GCNT4: variants seen among roughly 807,000 people sequenced by gnomAD.
GCNT4 encodes the protein beta-1,3-galactosyl-O-glycosyl-glycoprotein beta-1,6-N-acetylglucosaminyltransferase 4.
GCNT4 carries 17 observed loss-of-function variants against 31.3 expected under a neutral mutation model. The observed-to-expected ratio is 0.54, with a 90% CI of 0.37 to 0.81. GCNT4 has a LOEUF of 0.81. Ranked by LOEUF, GCNT4 falls within the 40% of genes least tolerant of loss-of-function variation. GCNT4 has a pLI of 0.00. For synonymous variants in GCNT4, 158 were observed against 190.6 expected, an observed-to-expected ratio of 0.83 and a Z score of 1.41; for missense variants, 503 against 525.5, an observed-to-expected ratio of 0.96 and a Z score of 0.42.
intron 3 of GCNT4, among the ~76,000 whole-genome samples, chr5:75,043,504 A>G (rs940288953): frequency 6.6e-6 from 1 of 152,178 alleles, no homozygotes; most frequent in Non-Finnish European, 1.5e-5. Flanking sequence ...TTCCTATAGG[A>G]GCCTGATTCA....
rs752756807 is a variant in GCNT4, at chr5:75,029,453, C to T, written c.585G>A (p.Val195=). The change falls in exon 4 of 4, where the codon GTG becomes GTA. Residue 195 remains valine, a synonymous_variant. Transcript: ENST00000652361. Reference sequence around the variant, plus strand: ...GGAGTCTGGAAATGTGGGCATATTCCACAGCCTCTAATTTGGAAGCAATGA... The same window carrying T: ...GGAGTCTGGAAATGTGGGCATATTCTACAGCCTCTAATTTGGAAGCAATGA... ...NIFIASKLEA[V]EYAHISRLQA... 16 of 1,614,056 alleles carry T rather than the reference C, an allele frequency of 9.9e-6. No individual in the cohort carries two copies. In the South Asian group the frequency reaches 1.8e-4, roughly 18 times the overall value.
chr5:75,040,210 G>A (rs544401036), intron 3 of GCNT4, among the ~76,000 whole-genome samples: 19 of 145,408 alleles, frequency 1.3e-4, no homozygotes, highest in African/African-American at 4.4e-4. Context: ...TGAGAGTCTC[G>A]CACTGTCGCT....
intron 3 of GCNT4, among the ~76,000 whole-genome samples, chr5:75,042,824 A>T (rs767051291): frequency 6.6e-6 from 1 of 152,152 alleles, no homozygotes; most frequent in Non-Finnish European, 1.5e-5. Flanking sequence ...TTTAGCTAAG[A>T]TCTGTGTGTT....
Position 75,026,661 on chromosome 5 carries a change from A to C in GCNT4, c.*2015T>G, listed in dbSNP as rs532822645. 5.2e-3 allele frequency: 779 copies of C among 151,156 alleles called. 7 individuals are homozygous for C. Among genetic ancestry groups the C allele is most frequent in the African/African-American group, 0.018 (741 of 41,174 alleles). The allele number at this position is 151,156 out of a possible 1,614,324, so 9.4% of individuals were successfully genotyped here. ...ATCGATTCTCACAAAAAAAAAAAAA[A>C]AAAAAAAAAAACACTTGTGTGGAAG... On this transcript the variant is annotated 3_prime_UTR_variant, in exon 4 of 4. Coordinates refer to ENST00000652361, the MANE Select transcript of GCNT4 (RefSeq NM_001366737.1).
At chr5:75,032,606 C>T (rs1743089679) in intron 3 of GCNT4, among the ~76,000 whole-genome samples, 2 of 152,226 alleles carry the variant, frequency 1.3e-5, no homozygotes, top group African/African-American at 4.8e-5. Flanking sequence ...GCTGCATCAG[C>T]ACCCAGGTTA....
downstream of GCNT4, among the ~76,000 whole-genome samples, chr5:75,022,744 C>A (rs1249582816): frequency 2.6e-5 from 4 of 152,126 alleles, no homozygotes; most frequent in African/African-American, 9.7e-5. Flanking sequence ...AAAGCACATA[C>A]CAAGTTTTTC....
chr5:75,053,817 C>T (rs772034326), upstream of GCNT4, among the ~76,000 whole-genome samples: 9 of 152,212 alleles, frequency 5.9e-5, no homozygotes, highest in Non-Finnish European at 1.3e-4. Context: ...GCGCGGTGAT[C>T]TCGGCTCTCC....
intron 3 of GCNT4, among the ~76,000 whole-genome samples, chr5:75,045,213 C>A (rs1437461782): frequency 6.6e-6 from 1 of 152,256 alleles, no homozygotes; most frequent in East Asian, 1.9e-4. Flanking sequence ...TGTAGTGCAA[C>A]CATCACCACA....
chr5:75,031,937 C>T (rs1019002110), intron 3 of GCNT4, among the ~76,000 whole-genome samples: 4 of 152,174 alleles, frequency 2.6e-5, no homozygotes, highest in African/African-American at 4.8e-5. Context: ...CTCAATAAAC[C>T]TTAAATGGAA....
At chr5:75,032,853 C>T (rs1743095107) in intron 3 of GCNT4, among the ~76,000 whole-genome samples, 1 of 143,948 alleles carries the variant, frequency 6.9e-6, no homozygotes, top group South Asian at 2.2e-4. Flanking sequence ...CAGTAGAAGA[C>T]TAATCAATCC....
At chr5:75,036,879 T>A (rs939192585) in intron 3 of GCNT4, among the ~76,000 whole-genome samples, 8 of 152,246 alleles carry the variant, frequency 5.3e-5, no homozygotes, top group African/African-American at 1.9e-4. Context: ...CTTATAGTTA[T>A]CTGTGACACC....
chr5:75,052,982 G>C (rs1291550298), upstream of GCNT4: 4 of 152,146 alleles, frequency 2.6e-5, no homozygotes, highest in Admixed American at 1.3e-4. Flanking sequence ...TGGCACTTGG[G>C]GAGAGTCCCG....
rs747864988 is a variant in GCNT4 at position 75,028,654 on chromosome 5, T to G, written c.*22A>C. ...TGACTCCATTTATCAGGCACCCTCT[T>G]ATTTCCATCCTGATTTTACTATCAT... On this transcript the variant is annotated 3_prime_UTR_variant, in exon 4 of 4. Transcript: ENST00000652361. 1.9e-6 allele frequency: 3 copies of G among 1,590,202 alleles called. No individual in the cohort carries two copies. Among genetic ancestry groups the G allele is most frequent in the Non-Finnish European group, 2.6e-6 (3 of 1,168,482 alleles).
Position 75,027,354 on chromosome 5 carries a change from T to TTATATGTATATATA in GCNT4, c.*1321_*1322insTATATATACATATA, listed in dbSNP as rs2149948578. 2.9e-3 allele frequency: 1 copy of TTATATGTATATATA among 346 alleles called. No homozygotes were observed. The highest frequency in any genetic ancestry group is 0.083 in the South Asian group (1 of 12). 0.0% of individuals were successfully genotyped at this position (346 alleles called of 1,614,324 possible). ...TCATATACAATATATGTATATATAA[T>TTATATGTATATATA]ATATATATTTATATATTATATATGT... is the stretch of plus-strand genomic sequence containing the variant. On this transcript the variant is annotated 3_prime_UTR_variant, in exon 4 of 4. Transcript: ENST00000652361.
downstream of GCNT4, among the ~76,000 whole-genome samples, chr5:75,022,125 G>T (rs1213271096): frequency 2.0e-5 from 3 of 152,020 alleles, no homozygotes; most frequent in East Asian, 5.8e-4. Flanking sequence ...TTACACATAC[G>T]TCTGAACTCG....
chr5:75,030,832 GTTCCCTACAGTGTTTTGTA>G (rs753996606), intron 3 of GCNT4: 19 of 166,928 alleles, frequency 1.1e-4, no homozygotes, highest in Admixed American at 6.5e-5. Flanking sequence ...GCACAAAGAG[GTTCCCTACAGTGTTTTGTA>G]TTCAGGCAAG....
In GCNT4 at chr5:75,029,938, C is replaced by T. The variant is rs964878886; in HGVS notation, c.100G>A (p.Val34Met). The T allele has an allele frequency of 3.1e-6, 5 of 1,614,106 alleles. No homozygotes were observed. In the East Asian group the frequency reaches 6.7e-5, roughly 22 times the overall value. Reference sequence around the variant, plus strand: ...TCTTTTTGCGGAAAGAGTCGTCTCACATTTAGAAGCTTTAACAAAGAGAGC... The same window carrying T: ...TCTTTTTGCGGAAAGAGTCGTCTCATATTTAGAAGCTTTAACAAAGAGAGC... ...WLLSLLKLLN[V>M]RRLFPQKDIY... Residue 34 changes from valine to methionine, a missense_variant, in exon 4 of 4, where the codon GTG (valine) becomes ATG (methionine). By Grantham distance (21) the Val-to-Met change is conservative. Coordinates refer to ENST00000652361, the MANE Select transcript of GCNT4 (RefSeq NM_001366737.1).
In GCNT4 at chr5:75,044,559, C is replaced by T. The variant is rs186544913; in HGVS notation, c.-2+3338G>A. 5.5e-4 allele frequency among the ~76,000 whole-genome samples: 84 copies of T among 152,072 alleles called. 1 individual carries two copies. Among genetic ancestry groups the T allele is most frequent in the African/African-American group, 1.9e-3 (80 of 41,444 alleles). Reference sequence around the variant, plus strand: ...CACTGGGCACATTTTGGCAGGAAAACCAGCCTGGCACAGGGCTGGATGATG... The same window carrying T: ...CACTGGGCACATTTTGGCAGGAAAATCAGCCTGGCACAGGGCTGGATGATG... On this transcript the variant is annotated intron_variant, in intron 3 of 3. Transcript: ENST00000652361.
At chr5:75,045,072 T>C (rs963322556) in intron 3 of GCNT4, among the ~76,000 whole-genome samples, 13 of 152,230 alleles carry the variant, frequency 8.5e-5, no homozygotes, top group African/African-American at 3.1e-4. Flanking sequence ...AAATAACTTT[T>C]CTTGTTTCTT....
Sources: gnomAD v4.1 joint callset for allele counts (sites outside exome capture counted in the v4.1 genomes callset) on GRCh38, gnomAD v4.1.1 for gene constraint, MANE v1.5 for transcripts, NCBI Gene and HGNC (gene_info 2026-07-23, HGNC 2026-07-21) for gene names.